Variants in UBASH3B observed in about 807,000 individuals in gnomAD.
UBASH3B encodes the protein ubiquitin-associated and SH3 domain-containing protein B.
In UBASH3B, 37 loss-of-function variants were observed where a neutral mutation model predicts 83.4. That is an observed-to-expected ratio of 0.44 (90% confidence interval 0.34 to 0.58). The LOEUF (loss-of-function observed/expected upper bound fraction) is 0.58. Among genes scored for constraint, UBASH3B ranks in the 20% least tolerant of loss-of-function variants. The pLI, the probability that UBASH3B is intolerant of heterozygous loss-of-function variation, is 0.01. For synonymous variants in UBASH3B, 304 were observed against 318.3 expected, an observed-to-expected ratio of 0.96 and a Z score of 0.48; for missense variants, 657 against 827.2, an observed-to-expected ratio of 0.79 and a Z score of 2.52.
At position 122,684,834 on chromosome 11, in the gene UBASH3B, GTGAT is replaced by G. The variant is rs1863788699; in HGVS notation, c.161+28625_161+28628del. Among the ~76,000 whole-genome samples the G allele has an allele frequency of 2.0e-5, 3 of 152,134 alleles. No individual in the cohort carries two copies. In the South Asian group the frequency reaches 6.2e-4, roughly 31 times the overall value. On this transcript the variant is annotated intron_variant, in intron 1 of 13. Coordinates refer to ENST00000284273, the MANE Select transcript of UBASH3B (RefSeq NM_032873.5). ...GCTGGTCTCGAACTCCTGACCTCAG[GTGAT>G]CCACCCGCCTTGGCCTCCCAAAATG...
intron 1 of UBASH3B, among the ~76,000 whole-genome samples, chr11:122,690,998 G>T (rs1863888902): frequency 6.6e-6 from 1 of 152,214 alleles, no homozygotes; most frequent in Non-Finnish European, 1.5e-5. Flanking sequence ...AAGCAAAGTA[G>T]CGGTAAAGCC....
intron 1 of UBASH3B, among the ~76,000 whole-genome samples, chr11:122,700,140 A>G (rs1386479752): frequency 3.9e-5 from 6 of 152,192 alleles, no homozygotes; most frequent in African/African-American, 9.6e-5. Flanking sequence ...TGAGGTAACC[A>G]TCATTCCCCC....
intron 1 of UBASH3B, among the ~76,000 whole-genome samples, chr11:122,688,246 TCTTCCTTCC>T (rs904928359): frequency 1.1e-4 from 17 of 151,902 alleles, no homozygotes; most frequent in Non-Finnish European, 2.4e-4. Context: ...TTTCTTTCTT[TCTTCCTTCC>T]CTTCCTTCCC....
intron 1 of UBASH3B, among the ~76,000 whole-genome samples, chr11:122,729,630 T>A (rs888716376): frequency 1.3e-5 from 2 of 151,714 alleles, no homozygotes; most frequent in Non-Finnish European, 2.9e-5. Context: ...TTATGAGTAT[T>A]TTGGAGTAAA....
intron 6 of UBASH3B, among the ~76,000 whole-genome samples, chr11:122,791,801 A>G (rs1314238632): frequency 6.6e-6 from 1 of 152,202 alleles, no homozygotes; most frequent in Non-Finnish European, 1.5e-5. Flanking sequence ...CTCCCTGCCA[A>G]GTGCTTCTCA....
intron 1 of UBASH3B, among the ~76,000 whole-genome samples, chr11:122,674,812 T>A (rs984122122): frequency 9.4e-5 from 13 of 138,064 alleles, no homozygotes; most frequent in African/African-American, 3.5e-4. Context: ...CACTGCAACC[T>A]CCGCCTTTTG....
At position 122,675,678 on chromosome 11, in the gene UBASH3B, C is replaced by T. The variant is rs182718228; in HGVS notation, c.161+19468C>T. Reference sequence around the variant, plus strand: ...CCTCTGATGAGCCAAGCACTGGGGTCCATGGCCCCCAGAGATAAACAGGAT... The same window carrying T: ...CCTCTGATGAGCCAAGCACTGGGGTTCATGGCCCCCAGAGATAAACAGGAT... On this transcript the variant is annotated intron_variant, in intron 1 of 13. Transcript: ENST00000284273. Among the ~76,000 whole-genome samples the T allele has an allele frequency of 2.0e-4, 31 of 152,276 alleles. No homozygotes were observed. In the East Asian group the frequency reaches 6.0e-3, roughly 29 times the overall value.
chr11:122,755,980 C>T (rs1375186271), intron 1 of UBASH3B, among the ~76,000 whole-genome samples: 1 of 152,146 alleles, frequency 6.6e-6, no homozygotes, highest in Non-Finnish European at 1.5e-5. Flanking sequence ...ACGGAAGGCA[C>T]TGAACACAGG....
Position 122,655,837 on chromosome 11 carries a change from AG to A in UBASH3B, c.-212del. ...CCCGAGTGGCTGAGGCTGGTCCCGC[AG>A]CGGCCGCTTGCCGGCGTTCTGGCTC... On this transcript the variant is annotated 5_prime_UTR_variant, in exon 1 of 14. Coordinates refer to ENST00000284273, the MANE Select transcript of UBASH3B (RefSeq NM_032873.5). 1 of 516,982 alleles carries A rather than the reference AG, an allele frequency of 1.9e-6. No homozygotes were observed. Among genetic ancestry groups the A allele is most frequent in the South Asian group, 3.1e-5 (1 of 32,178 alleles). The allele number at this position is 516,982 out of a possible 1,614,324, so 32.0% of individuals were successfully genotyped here.
chr11:122,708,907 C>G (rs1039573242), intron 1 of UBASH3B, among the ~76,000 whole-genome samples: 1 of 152,164 alleles, frequency 6.6e-6, no homozygotes, highest in Non-Finnish European at 1.5e-5. Flanking sequence ...ATGGTCATTT[C>G]CCATCACCTT....
chr11:122,805,919 T>C (rs143289696), intron 11 of UBASH3B, among the ~76,000 whole-genome samples: 12 of 152,322 alleles, frequency 7.9e-5, no homozygotes, highest in African/African-American at 2.9e-4. Context: ...AAGTGTATGG[T>C]CTGTGTTCAA....
At chr11:122,713,382 T>C (rs73016293) in intron 1 of UBASH3B, among the ~76,000 whole-genome samples, 19,335 of 152,172 alleles carry the variant, frequency 0.13, 1,372 homozygotes, top group African/African-American at 0.18. Context: ...GACGAATGCA[T>C]GTGAAATCAT....
intron 1 of UBASH3B, among the ~76,000 whole-genome samples, chr11:122,669,243 G>A (rs1170150612): frequency 6.6e-6 from 1 of 152,164 alleles, no homozygotes. Flanking sequence ...CAATAGAACC[G>A]TGTTCTTCCT....
intron 1 of UBASH3B, among the ~76,000 whole-genome samples, chr11:122,766,472 G>A (rs911553421): frequency 1.3e-5 from 2 of 152,352 alleles, no homozygotes; most frequent in Non-Finnish European, 2.9e-5. Flanking sequence ...GTGAACCCGG[G>A]AGGCGGAGCT....
chr11:122,721,112 G>A (rs926085893), intron 1 of UBASH3B, among the ~76,000 whole-genome samples: 14 of 152,154 alleles, frequency 9.2e-5, no homozygotes, highest in African/African-American at 2.6e-4. Context: ...AGGCGTGGTG[G>A]CGTGTGCCTG....
At chr11:122,662,513 C>T (rs1863459485) in intron 1 of UBASH3B, among the ~76,000 whole-genome samples, 2 of 151,058 alleles carry the variant, frequency 1.3e-5, no homozygotes, top group South Asian at 4.2e-4. Flanking sequence ...CTGCATGCAA[C>T]CTCCGCCTCC....
intron 1 of UBASH3B, among the ~76,000 whole-genome samples, chr11:122,657,766 T>G (rs1027541509): frequency 3.9e-5 from 6 of 152,192 alleles, no homozygotes; most frequent in South Asian, 2.1e-4. Context: ...TACGACTTCC[T>G]AATACTAGGG....
At chr11:122,763,199 G>A (rs1278533932) in intron 1 of UBASH3B, among the ~76,000 whole-genome samples, 5 of 152,186 alleles carry the variant, frequency 3.3e-5, no homozygotes, top group Non-Finnish European at 7.3e-5. Flanking sequence ...ACACATAACA[G>A]AGGCAAAGAG....
At chr11:122,762,475 C>T (rs1461407742) in intron 1 of UBASH3B, among the ~76,000 whole-genome samples, 2 of 152,190 alleles carry the variant, frequency 1.3e-5, no homozygotes, top group African/African-American at 2.4e-5. Context: ...AGGATACTTC[C>T]GCTCAGCAAA....
Sources: gnomAD v4.1 joint callset for allele counts (sites outside exome capture counted in the v4.1 genomes callset) on GRCh38, gnomAD v4.1.1 for gene constraint, MANE v1.5 for transcripts, NCBI Gene and HGNC (gene_info 2026-07-23, HGNC 2026-07-21) for gene names.